Variants in OR2L13 observed in about 807,000 individuals in gnomAD.
OR2L13 encodes olfactory receptor family 2 subfamily L member 13.
A neutral mutation model predicts 15.3 loss-of-function variants in OR2L13; 14 were observed. The observed-to-expected ratio is 0.91, with a 90% confidence interval of 0.60 to 1.43. OR2L13 has a LOEUF of 1.43. Ranked by LOEUF, OR2L13 falls within the 40% of genes most tolerant of loss-of-function variation. The pLI, the probability that OR2L13 is intolerant of heterozygous loss-of-function variation, is 0.00. For missense variants in OR2L13, 367 were observed against 387.9 expected (o/e 0.95, Z 0.45); for synonymous variants, 152 against 142.9 (o/e 1.06, Z -0.45).
chr1:248,065,602 A>C, the OR2L13 span, among the ~76,000 whole-genome samples: 1 of 90,592 alleles, frequency 1.1e-5, no homozygotes, highest in Non-Finnish European at 2.2e-5. Flanking sequence ...ACCCCACCAC[A>C]GTCCCCGATG....
the OR2L13 span, among the ~76,000 whole-genome samples, chr1:248,069,983 G>C: frequency 2.0e-5 from 3 of 151,804 alleles, no homozygotes; most frequent in Non-Finnish European, 4.4e-5. Context: ...AGCAAGTCCT[G>C]AGTGACCTAC....
the OR2L13 span, among the ~76,000 whole-genome samples, chr1:247,981,782 C>A: frequency 3.1e-4 from 47 of 152,110 alleles, no homozygotes; most frequent in African/African-American, 1.1e-3. Context: ...TCAAGTAATA[C>A]ATGTTCACTA....
the OR2L13 span, among the ~76,000 whole-genome samples, chr1:247,951,609 T>C: frequency 6.6e-6 from 1 of 152,352 alleles, no homozygotes; most frequent in South Asian, 2.1e-4. Flanking sequence ...AAAACACACA[T>C]TTTGAACTTG....
At chr1:247,968,578 A>T in the OR2L13 span, among the ~76,000 whole-genome samples, 37 of 142,900 alleles carry the variant, frequency 2.6e-4, no homozygotes, top group Admixed American at 7.2e-4. Context: ...CCCACCTATG[A>T]CTGAGAACAT....
the OR2L13 span, chr1:248,003,046 C>T: frequency 1.3e-6 from 1 of 758,694 alleles, no homozygotes; most frequent in South Asian, 1.6e-5. Flanking sequence ...TTGGTCTATT[C>T]AGGGATTGAA....
At chr1:248,080,122 T>C in the OR2L13 span, among the ~76,000 whole-genome samples, 1 of 152,044 alleles carries the variant, frequency 6.6e-6, no homozygotes, top group Non-Finnish European at 1.5e-5. Context: ...TTGTTGTAGT[T>C]ACAGATACAT....
chr1:248,048,772 G>A, the OR2L13 span, among the ~76,000 whole-genome samples: 1 of 152,178 alleles, frequency 6.6e-6, no homozygotes, highest in African/African-American at 2.4e-5. Context: ...CGCTTCAGAA[G>A]ACAGGAAGTA....
At chr1:247,983,018 TATA>T in the OR2L13 span, among the ~76,000 whole-genome samples, 1 of 152,190 alleles carries the variant, frequency 6.6e-6, no homozygotes, top group South Asian at 2.1e-4. Flanking sequence ...TATTTTTATA[TATA>T]ATGTTTATTT....
chr1:248,076,258 T>G, the OR2L13 span, among the ~76,000 whole-genome samples: 3 of 151,928 alleles, frequency 2.0e-5, no homozygotes, highest in South Asian at 6.2e-4. Flanking sequence ...AGCTTTGTAG[T>G]ATAATTTGAA....
chr1:248,048,324 TAC>T, the OR2L13 span, among the ~76,000 whole-genome samples: 1 of 152,228 alleles, frequency 6.6e-6, no homozygotes, highest in African/African-American at 2.4e-5. Context: ...CAATTACAAA[TAC>T]ACATTGTGTA....
chr1:248,060,970 G>A, the OR2L13 span: 24 of 1,613,866 alleles, frequency 1.5e-5, no homozygotes, highest in Non-Finnish European at 2.0e-5. Context: ...CACTGGGTGT[G>A]GGATTCAGAG....
At chr1:248,083,657 T>C in the OR2L13 span, 1 of 1,526,976 alleles carries the variant, frequency 6.5e-7, no homozygotes, top group East Asian at 2.3e-5. Flanking sequence ...GGGCCTCATT[T>C]TGCTGGTGTT....
chr1:247,995,941 A>G, the OR2L13 span, among the ~76,000 whole-genome samples: 1 of 152,342 alleles, frequency 6.6e-6, no homozygotes, highest in East Asian at 1.9e-4. Flanking sequence ...GACTCAGTGC[A>G]GGATGCAGAG....
chr1:248,052,189 A>T, the OR2L13 span, among the ~76,000 whole-genome samples: 28 of 152,190 alleles, frequency 1.8e-4, 1 homozygote, highest in East Asian at 5.2e-3. Context: ...ATTCATTTTG[A>T]CTTAATTTTT....
chr1:248,099,049 A>T (rs1021685078), intron 2 of OR2L13, among the ~76,000 whole-genome samples: 7 of 152,334 alleles, frequency 4.6e-5, no homozygotes, highest in Middle Eastern at 3.4e-3. Context: ...AAATTGGAAG[A>T]CATGCTTAAG....
the OR2L13 span, among the ~76,000 whole-genome samples, chr1:248,006,349 A>G: frequency 6.6e-6 from 1 of 151,540 alleles, no homozygotes; most frequent in Non-Finnish European, 1.5e-5. Flanking sequence ...CCACTTGTGT[A>G]GTCACTGCTA....
At chr1:248,014,740 A>AT in the OR2L13 span, among the ~76,000 whole-genome samples, 1 of 152,168 alleles carries the variant, frequency 6.6e-6, no homozygotes, top group East Asian at 1.9e-4. Context: ...CAGTCAAGTA[A>AT]TACACGGTCA....
the OR2L13 span, among the ~76,000 whole-genome samples, chr1:248,035,121 G>A: frequency 6.7e-6 from 1 of 149,776 alleles, no homozygotes; most frequent in East Asian, 2.0e-4. Flanking sequence ...CCGTGAAAGT[G>A]GACATTTTTG....
chr1:248,078,856 AAAAAG>A, the OR2L13 span, among the ~76,000 whole-genome samples: 13,662 of 152,152 alleles, frequency 0.09, 820 homozygotes, highest in African/African-American at 0.17. Context: ...ACTTTGTAAA[AAAAAG>A]AAAAGTTAAT....
Sources: gnomAD v4.1 joint callset for allele counts (sites outside exome capture counted in the v4.1 genomes callset) on GRCh38, gnomAD v4.1.1 for gene constraint, MANE v1.5 for transcripts, NCBI Gene and HGNC (gene_info 2026-07-23, HGNC 2026-07-21) for gene names.